Variants in ELAC2 observed in about 807,000 individuals in gnomAD.
The protein encoded by ELAC2 is elaC ribonuclease Z 2, also known as zinc phosphodiesterase ELAC protein 2.
In ELAC2, 92 loss-of-function variants were observed where a neutral mutation model predicts 105.2. That is an observed-to-expected ratio of 0.87 (90% CI 0.74 to 1.04). The LOEUF (loss-of-function observed/expected upper bound fraction) is 1.04, where lower values mean the gene tolerates loss of function less well. ELAC2 is among the 50% of genes least tolerant of loss of function. The pLI, the probability that ELAC2 is intolerant of heterozygous loss-of-function variation, is 0.00. For synonymous variants in ELAC2, 468 were observed against 409.1 expected (o/e 1.14, Z -1.74); for missense variants, 1,099 against 1,071.7 (o/e 1.03, Z -0.36).
chr17:13,014,950 G>A (rs1438486528), intron 4 of ELAC2, among the ~76,000 whole-genome samples: 3 of 152,214 alleles, frequency 2.0e-5, no homozygotes, highest in Non-Finnish European at 4.4e-5. Flanking sequence ...AAGTGGCCAG[G>A]GAGTTAGAGG....
chr17:13,012,374 G>A (rs1387193170), intron 6 of ELAC2, among the ~76,000 whole-genome samples: 1 of 152,216 alleles, frequency 6.6e-6, no homozygotes, highest in Admixed American at 6.5e-5. Flanking sequence ...ATGCAACTCA[G>A]GCTGGGGGTG....
chr17:12,994,291 T>TCTTAA, intron 22 of ELAC2, 134 bp downstream of exon 22: 1 of 1,046,130 alleles, frequency 9.6e-7, no homozygotes, highest in South Asian at 1.3e-5. Flanking sequence ...CTGCCACAGG[T>TCTTAA]CAAGGAAGCC....
chr17:13,002,320 C>T lies in ELAC2; in HGVS notation c.1258G>A (p.Glu420Lys), dbSNP rs917833201. 13 of 1,614,092 alleles carry T rather than the reference C, an allele frequency of 8.1e-6. 1 individual carries two copies. Among genetic ancestry groups the T allele is most frequent in the Admixed American group, 5.0e-5 (3 of 60,002 alleles). Residue 420 changes from glutamate (E) to lysine (K), a missense_variant, in exon 14 of 24, where the codon GAA (glutamate) becomes AAA (lysine). By Grantham distance (56) the Glu-to-Lys change is moderately conservative. Transcript: ENST00000338034. Reference sequence around the variant, plus strand: ...CGGAGCTGGTACTTGAGGAGGCATTCACCCTGAACCATGGGCACACTGAGG... The same window carrying T: ...CGGAGCTGGTACTTGAGGAGGCATTTACCCTGAACCATGGGCACACTGAGG... ...PTLSVPMVQGECLLKYQLRPR... is the reference protein window; with the variant it reads ...PTLSVPMVQGKCLLKYQLRPR...
At chr17:13,014,313 ATC>A (rs1320498544) in intron 5 of ELAC2, 124 bp downstream of exon 5, 15 of 700,892 alleles carry the variant, frequency 2.1e-5, no homozygotes, top group African/African-American at 1.3e-4. Flanking sequence ...AAAAAAAAAA[ATC>A]TCGTGGTGAT....
At chr17:13,001,378 G>C (rs887600413) in intron 14 of ELAC2, among the ~76,000 whole-genome samples, 1 of 152,128 alleles carries the variant, frequency 6.6e-6, no homozygotes, top group Non-Finnish European at 1.5e-5. Context: ...TGTAATTCCA[G>C]CTATTCGGGA....
At position 13,002,323 on chromosome 17, in the gene ELAC2, C is replaced by T. The variant is rs777236838; in HGVS notation, c.1255G>A (p.Gly419Ser). ...AGCTGGTACTTGAGGAGGCATTCAC[C>T]CTGAACCATGGGCACACTGAGGGTG... ...GPTLSVPMVQ[G>S]ECLLKYQLRP... is the part of the protein sequence containing the mutation. Residue 419 changes from glycine to serine, a missense_variant, in exon 14 of 24, where the codon GGT becomes AGT. Coordinates refer to ENST00000338034, the MANE Select transcript of ELAC2 (RefSeq NM_018127.7). The T allele has an allele frequency of 1.2e-6, 2 of 1,614,146 alleles. No individual in the cohort carries two copies. The highest frequency in any genetic ancestry group is 1.7e-6 in the Non-Finnish European group (2 of 1,180,040).
intron 4 of ELAC2, among the ~76,000 whole-genome samples, chr17:13,014,920 G>A (rs2041636701): frequency 6.6e-6 from 1 of 152,198 alleles, no homozygotes; most frequent in Admixed American, 6.5e-5. Flanking sequence ...GAGGGAACCC[G>A]CGGAAGGGCG....
chr17:13,012,905 T>C (rs1187373232), intron 6 of ELAC2, among the ~76,000 whole-genome samples: 2 of 152,196 alleles, frequency 1.3e-5, no homozygotes, highest in Admixed American at 6.5e-5. Context: ...AAGAGGGTAT[T>C]ACGCCTGTGG....
intron 9 of ELAC2, 43 bp downstream of exon 9, chr17:13,005,878 G>A: frequency 6.2e-7 from 1 of 1,614,006 alleles, no homozygotes; most frequent in Non-Finnish European, 8.5e-7. Context: ...AAGTGGACAG[G>A]TGTACCCAGT....
chr17:12,991,856 CTTACTTACTTACT>C lies in ELAC2; in HGVS notation c.*949_*961del, dbSNP rs887212020. Reference sequence around the variant, plus strand: ...ATAAATACTAGATTCAACTTACTTACTTACTTACTTACTTTACTTACTTACTTCCTTGGAAAAT... The same window carrying C: ...ATAAATACTAGATTCAACTTACTTACTTACTTACTTACTTCCTTGGAAAAT... On this transcript the variant is annotated 3_prime_UTR_variant, in exon 24 of 24. Coordinates refer to ENST00000338034, the MANE Select transcript of ELAC2 (RefSeq NM_018127.7). Among the ~76,000 whole-genome samples the C allele has an allele frequency of 1.1e-4, 16 of 149,206 alleles. No individual in the cohort carries two copies. The highest frequency in any genetic ancestry group is 1.9e-4 in the Non-Finnish European group (13 of 66,750).
rs760764029 is a variant in ELAC2 at position 12,994,743 on chromosome 17, C to T, written c.2029+21G>A. 3.0e-5 allele frequency: 49 copies of T among 1,613,586 alleles called. No individual in the cohort carries two copies. The African/African-American group carries it at 4.0e-4, about 13-fold the overall frequency. Reference sequence around the variant, plus strand: ...AAACCCCAGAGCAACCTCAGGGTGGCTTGCTTCTTCCTCTACTCACCCATC... The same window carrying T: ...AAACCCCAGAGCAACCTCAGGGTGGTTTGCTTCTTCCTCTACTCACCCATC... On this transcript the variant is annotated intron_variant, in intron 21 of 23. Transcript: ENST00000338034.
chr17:12,996,821 A>G, intron 16 of ELAC2, 136 bp from the exon 17 acceptor site: 1 of 1,192,036 alleles, frequency 8.4e-7, no homozygotes, highest in South Asian at 1.3e-5. Flanking sequence ...TGAGGAGCTA[A>G]TATAAAAGCC....
intron 11 of ELAC2, 111 bp downstream of exon 11, chr17:13,004,878 A>G: frequency 2.2e-6 from 2 of 905,678 alleles, no homozygotes; most frequent in Non-Finnish European, 3.7e-6. Flanking sequence ...TCTGAACTGT[A>G]AACCCAGATA....
intron 14 of ELAC2, 164 bp from the exon 15 acceptor site, chr17:13,000,438 C>A: frequency 1.4e-6 from 1 of 703,880 alleles, no homozygotes. Flanking sequence ...GTCTGCTCCA[C>A]CGCCTTTTGG....
intron 3 of ELAC2, among the ~76,000 whole-genome samples, chr17:13,016,262 T>G (rs2041716155): frequency 6.6e-6 from 1 of 152,238 alleles, no homozygotes; most frequent in South Asian, 2.1e-4. Flanking sequence ...CAGGGTAATC[T>G]GGACAGTGGG....
At chr17:13,010,473 A>G (rs1019993104) in intron 8 of ELAC2, 140 bp downstream of exon 8, 16 of 806,050 alleles carry the variant, frequency 2.0e-5, no homozygotes, top group Non-Finnish European at 3.1e-5. Flanking sequence ...CCGGCCTTCC[A>G]TCAGCTTTTC....
chr17:13,003,392 G>C (rs1244525190), intron 12 of ELAC2, 87 bp downstream of exon 12: 1 of 1,236,484 alleles, frequency 8.1e-7, no homozygotes, highest in Non-Finnish European at 1.2e-6. Context: ...AGGGTAGGTA[G>C]CGCTGGAAAG....
intron 16 of ELAC2, among the ~76,000 whole-genome samples, chr17:12,998,162 T>C (rs2040567354): frequency 1.3e-5 from 2 of 152,214 alleles, no homozygotes; most frequent in South Asian, 4.1e-4. Flanking sequence ...CTAGGTGTAC[T>C]GCCCACAGTA....
intron 15 of ELAC2, 102 bp from the exon 16 acceptor site, chr17:12,998,610 C>A: frequency 8.9e-7 from 1 of 1,129,408 alleles, no homozygotes; most frequent in East Asian, 2.5e-5. Context: ...TTGGTTTGTC[C>A]CCAGACCTCA....
Sources: gnomAD v4.1 joint callset for allele counts (sites outside exome capture counted in the v4.1 genomes callset) on GRCh38, gnomAD v4.1.1 for gene constraint, MANE v1.5 for transcripts, NCBI Gene and HGNC (gene_info 2026-07-23, HGNC 2026-07-21) for gene names.